The following CSNK2A2 variants were observed in gnomAD, a reference collection of about 807,000 sequenced individuals.
The protein encoded by CSNK2A2 is casein kinase II subunit alpha'.
A neutral mutation model predicts 54.0 loss-of-function variants in CSNK2A2; 8 were observed. That is an observed-to-expected ratio of 0.15 (90% CI 0.09 to 0.27). The LOEUF (loss-of-function observed/expected upper bound fraction) is 0.27. Among genes scored for constraint, CSNK2A2 ranks in the 10% least tolerant of loss-of-function variants. The pLI, the probability that CSNK2A2 is intolerant of heterozygous loss-of-function variation, is 1.00. For synonymous variants in CSNK2A2, 141 were observed against 153.9 expected (o/e 0.92, Z 0.62); for missense variants, 242 against 439.4 (o/e 0.55, Z 4.02).
chr16:58,193,858 C>G (rs575278273), intron 2 of CSNK2A2, among the ~76,000 whole-genome samples: 1 of 152,324 alleles, frequency 6.6e-6, no homozygotes, highest in East Asian at 1.9e-4. Flanking sequence ...GATACAACCT[C>G]TCTATTGATT....
intron 11 of CSNK2A2, chr16:58,162,224 G>C (rs1188487349): frequency 6.6e-6 from 1 of 152,228 alleles, no homozygotes; most frequent in African/African-American, 2.4e-5. Context: ...GAAGGCTTTT[G>C]ATAATCTCAA....
At chr16:58,169,927 T>G (rs182873066) in intron 5 of CSNK2A2, among the ~76,000 whole-genome samples, 251 of 151,986 alleles carry the variant, frequency 1.7e-3, no homozygotes, top group Non-Finnish European at 2.9e-3. Context: ...GCACCTCTAG[T>G]CCCAGCTACT....
At chr16:58,178,036 T>A (rs1326413351) in intron 4 of CSNK2A2, among the ~76,000 whole-genome samples, 1 of 152,140 alleles carries the variant, frequency 6.6e-6, no homozygotes, top group African/African-American at 2.4e-5. Flanking sequence ...CGACATAATA[T>A]AAAAGTACAA....
At chr16:58,171,566 G>A (rs772952816) in intron 5 of CSNK2A2, among the ~76,000 whole-genome samples, 1 of 151,766 alleles carries the variant, frequency 6.6e-6, no homozygotes, top group East Asian at 1.9e-4. Context: ...CTAACTATGG[G>A]GATACATATA....
chr16:58,163,419 T>A (rs1036336283), intron 11 of CSNK2A2: 4 of 152,154 alleles, frequency 2.6e-5, no homozygotes, highest in African/African-American at 9.7e-5. Context: ...GGTTTCGTGA[T>A]CCCTCCTGAC....
At chr16:58,185,382 A>G (rs573382995) in intron 3 of CSNK2A2, among the ~76,000 whole-genome samples, 2 of 152,324 alleles carry the variant, frequency 1.3e-5, no homozygotes, top group East Asian at 3.9e-4. Context: ...ACCTTCTAAT[A>G]GACAAGGGGT....
At chr16:58,173,314 G>A (rs150712447) in intron 5 of CSNK2A2, among the ~76,000 whole-genome samples, 9 of 152,308 alleles carry the variant, frequency 5.9e-5, no homozygotes, top group Admixed American at 3.9e-4. Context: ...AAAGTGGTGC[G>A]TACAAGTTCT....
In CSNK2A2 at chr16:58,174,485, A is replaced by G. The variant is rs144995982; in HGVS notation, c.395T>C (p.Phe132Ser). ...TTCATACATATAAAACCGGATATCAAAGTCTGTCAGGATCTGGTAGAGTTG... is the reference window on the plus strand; with the variant it reads ...TTCATACATATAAAACCGGATATCAGAGTCTGTCAGGATCTGGTAGAGTTG... ...FKQLYQILTD[F>S]DIRFYMYELL... The change falls in exon 5 of 12, where the codon TTT becomes TCT. Residue 132 changes from phenylalanine (F) to serine (S), a missense_variant. Phe to Ser is a radical substitution (Grantham distance 155). This residue lies in a region of CSNK2A2 where 69 missense variants were observed against 97.0 expected (regional missense o/e 0.71). Coordinates refer to ENST00000262506, the MANE Select transcript of CSNK2A2 (RefSeq NM_001896.4). 1.3e-5 allele frequency: 21 copies of G among 1,612,672 alleles called. No individual in the cohort carries two copies. Among genetic ancestry groups the G allele is most frequent in the Admixed American group, 8.4e-5 (5 of 59,754 alleles).
intron 6 of CSNK2A2, among the ~76,000 whole-genome samples, chr16:58,168,371 A>C (rs1961630964): frequency 6.6e-6 from 1 of 152,240 alleles, no homozygotes; most frequent in Non-Finnish European, 1.5e-5. Context: ...GCCCTCCAGA[A>C]AACTATGACC....
intron 10 of CSNK2A2, 95 bp from the exon 11 acceptor site, chr16:58,164,242 A>G (rs959227988): frequency 5.4e-5 from 60 of 1,116,172 alleles, no homozygotes; most frequent in Non-Finnish European, 7.6e-5. Context: ...AGAGAGACAG[A>G]CTGATGGGCA....
chr16:58,179,852 G>A (rs527914251), intron 4 of CSNK2A2, among the ~76,000 whole-genome samples: 1 of 152,176 alleles, frequency 6.6e-6, no homozygotes, highest in South Asian at 2.1e-4. Context: ...GGCCAAGGCG[G>A]GTGGGTCATG....
In CSNK2A2 at chr16:58,178,551, G is replaced by T. The variant is rs564391150; in HGVS notation, c.370-4041C>A. The stretch of plus-strand genomic sequence containing the variant: ...CCTGCTTCGGCCTCCCAAAATGCTG[G>T]GATTACAGGCATGAGCCACCGCACC... On this transcript the variant is annotated intron_variant, in intron 4 of 11. Transcript: ENST00000262506. Among the ~76,000 whole-genome samples, 4 of 152,134 alleles carry T rather than the reference G, an allele frequency of 2.6e-5. No individual in the cohort carries two copies. The South Asian group carries it at 8.3e-4, about 32-fold the overall frequency.
intron 4 of CSNK2A2, among the ~76,000 whole-genome samples, chr16:58,180,162 G>A (rs1015715473): frequency 1.3e-5 from 2 of 151,112 alleles, no homozygotes; most frequent in African/African-American, 4.9e-5. Context: ...ACCACTGAAA[G>A]CCCAACAAAG....
chr16:58,159,902 TTG>T (rs557781353), intron 11 of CSNK2A2: 5 of 151,030 alleles, frequency 3.3e-5, no homozygotes, highest in Non-Finnish European at 7.4e-5. Context: ...TGATTCAAAG[TTG>T]TTTTTTTTCT....
At chr16:58,161,077 G>A (rs916961053) in intron 11 of CSNK2A2, 1 of 152,268 alleles carries the variant, frequency 6.6e-6, no homozygotes, top group African/African-American at 2.4e-5. Flanking sequence ...TACAGGGATA[G>A]GATGAAAGCA....
At chr16:58,164,229 G>C (rs937387226) in intron 10 of CSNK2A2, 82 bp from the exon 11 acceptor site, 67 of 1,317,612 alleles carry the variant, frequency 5.1e-5, no homozygotes, top group Middle Eastern at 1.8e-4. Flanking sequence ...CCTTTCAACG[G>C]AAAGAGAGAC....
intron 3 of CSNK2A2, among the ~76,000 whole-genome samples, chr16:58,186,466 C>T (rs1962195420): frequency 6.6e-6 from 1 of 152,190 alleles, no homozygotes; most frequent in Non-Finnish European, 1.5e-5. Context: ...TGGAAAGAGG[C>T]TGGGGCTTAA....
At chr16:58,165,773 G>A (rs2142410035) in intron 9 of CSNK2A2, 65 bp from the exon 10 acceptor site, 1 of 1,517,366 alleles carries the variant, frequency 6.6e-7, no homozygotes, top group East Asian at 2.3e-5. Context: ...TATCTACTAG[G>A]GCTAAAGCCA....
intron 4 of CSNK2A2, 52 bp from the exon 5 acceptor site, chr16:58,174,562 T>C (rs773667854): frequency 4.3e-5 from 62 of 1,440,844 alleles, no homozygotes; most frequent in Non-Finnish European, 5.8e-5. Flanking sequence ...CTGCATCTTG[T>C]CATCCTAAGT....
Sources: gnomAD v4.1 joint callset for allele counts (sites outside exome capture counted in the v4.1 genomes callset) on GRCh38, gnomAD v4.1.1 for gene constraint, gnomAD v4.1.1 regional missense constraint, MANE v1.5 for transcripts, NCBI Gene and HGNC (gene_info 2026-07-23, HGNC 2026-07-21) for gene names.